WWOX: variants seen among roughly 807,000 people sequenced by gnomAD.
WWOX encodes the protein WW domain-containing oxidoreductase.
Under a neutral mutation model 46.2 loss-of-function variants are expected in WWOX, and 69 were observed. That is an observed-to-expected ratio of 1.49 (90% CI 1.23 to 1.82). The LOEUF (loss-of-function observed/expected upper bound fraction) is 1.82. Among genes scored for constraint, WWOX ranks in the 40% most tolerant of loss-of-function variants. The probability of loss-of-function intolerance (pLI) is 0.00; values close to 1 mark genes in which losing one functional copy is unlikely to be tolerated. For missense variants in WWOX, 919 were observed against 542.6 expected, an observed-to-expected ratio of 1.69 and a Z score of -6.89; for synonymous variants, 359 against 202.6, an observed-to-expected ratio of 1.77 and a Z score of -6.56.
intron 8 of WWOX, among the ~76,000 whole-genome samples, chr16:78,762,049 G>A (rs1049360430): frequency 6.6e-6 from 1 of 152,140 alleles, no homozygotes; most frequent in Non-Finnish European, 1.5e-5. Flanking sequence ...ACTCCTATTT[G>A]GTGTCAACTC....
chr16:78,975,162 T>A (rs181520891), intron 8 of WWOX, among the ~76,000 whole-genome samples: 3 of 152,204 alleles, frequency 2.0e-5, no homozygotes, highest in African/African-American at 7.2e-5. Context: ...AACATTGTTA[T>A]GTTTTACTTA....
intron 8 of WWOX, among the ~76,000 whole-genome samples, chr16:78,458,094 T>C (rs1421833122): frequency 6.6e-6 from 1 of 151,808 alleles, no homozygotes; most frequent in East Asian, 1.9e-4. Context: ...GTAAGTTGCC[T>C]GACTTCTCAT....
At chr16:78,155,771 A>G (rs995181867) in intron 4 of WWOX, among the ~76,000 whole-genome samples, 3 of 152,326 alleles carry the variant, frequency 2.0e-5, no homozygotes, top group Admixed American at 6.5e-5. Context: ...ACTGTGCAGA[A>G]TAGGCTTAGC....
chr16:79,044,058 C>T (rs1645108280), intron 8 of WWOX, among the ~76,000 whole-genome samples: 1 of 152,186 alleles, frequency 6.6e-6, no homozygotes, highest in African/African-American at 2.4e-5. Flanking sequence ...CCTGCCCAGA[C>T]CCGGTGGCCT....
At chr16:78,899,901 G>A (rs1355804196) in intron 8 of WWOX, among the ~76,000 whole-genome samples, 1 of 151,956 alleles carries the variant, frequency 6.6e-6, no homozygotes, top group Non-Finnish European at 1.5e-5. Context: ...GTTCCTCTCT[G>A]TCAGGACATA....
At chr16:78,776,249 C>G (rs997032697) in intron 8 of WWOX, among the ~76,000 whole-genome samples, 1 of 152,108 alleles carries the variant, frequency 6.6e-6, no homozygotes, top group Non-Finnish European at 1.5e-5. Flanking sequence ...AACAGCAGCA[C>G]AGGCTACATT....
chr16:78,387,791 C>T (rs1373949267), intron 6 of WWOX, among the ~76,000 whole-genome samples: 1 of 151,760 alleles, frequency 6.6e-6, no homozygotes, highest in African/African-American at 2.4e-5. Flanking sequence ...TATTTTTTTT[C>T]AGTGACTTGA....
At chr16:78,139,257 A>G (rs4888748) in intron 4 of WWOX, among the ~76,000 whole-genome samples, 83,523 of 152,058 alleles carry the variant, frequency 0.55, 22,988 homozygotes, top group African/African-American at 0.58. Flanking sequence ...CCAATGGACA[A>G]AATCTGCAAG....
rs558971575 is a variant in WWOX, at chr16:78,130,339, G to A, written c.409+15185G>A. Among the ~76,000 whole-genome samples the A allele has an allele frequency of 6.3e-3, 960 of 152,260 alleles. 17 individuals are homozygous for A. The highest frequency in any genetic ancestry group is 0.022 in the African/African-American group (929 of 41,536). ...CTAACTTTCCTTAAGCTATGTGAAT[G>A]TGAGAACACAGTGGGAAGGCAGCCA... is the stretch of plus-strand genomic sequence containing the variant. On this transcript the variant is annotated intron_variant, in intron 4 of 8. Transcript: ENST00000566780.
chr16:78,737,894 G>A (rs890787095), intron 8 of WWOX, among the ~76,000 whole-genome samples: 1 of 152,108 alleles, frequency 6.6e-6, no homozygotes, highest in African/African-American at 2.4e-5. Flanking sequence ...CAAAGGCCAT[G>A]AGTTCCCAGT....
intron 8 of WWOX, among the ~76,000 whole-genome samples, chr16:78,643,512 C>A (rs534506297): frequency 6.6e-6 from 1 of 152,220 alleles, no homozygotes; most frequent in East Asian, 1.9e-4. Context: ...CAGCTTTAAA[C>A]CTGTGACCTC....
intron 8 of WWOX, among the ~76,000 whole-genome samples, chr16:78,766,120 C>T (rs905726608): frequency 6.6e-6 from 1 of 152,166 alleles, no homozygotes. Context: ...TCACACATAC[C>T]GTCCCCTGAT....
chr16:78,656,706 A>G (rs1240704700), intron 8 of WWOX, among the ~76,000 whole-genome samples: 1 of 152,160 alleles, frequency 6.6e-6, no homozygotes, highest in African/African-American at 2.4e-5. Context: ...ACAAATCCCA[A>G]CCATATCGGC....
chr16:78,576,635 C>G (rs1410409576), intron 8 of WWOX, among the ~76,000 whole-genome samples: 1 of 152,124 alleles, frequency 6.6e-6, no homozygotes, highest in Admixed American at 6.6e-5. Context: ...AAGTTTGTGA[C>G]CAGCCTGGGC....
chr16:78,397,214 T>A (rs1054030919), intron 6 of WWOX, among the ~76,000 whole-genome samples: 2 of 152,130 alleles, frequency 1.3e-5, no homozygotes, highest in African/African-American at 4.8e-5. Flanking sequence ...GGGAAGCAGG[T>A]CAATAAGACA....
chr16:79,099,593 T>TGAGAGA (rs10598848), intron 8 of WWOX, among the ~76,000 whole-genome samples: 34 of 148,856 alleles, frequency 2.3e-4, no homozygotes, highest in South Asian at 6.4e-4. Flanking sequence ...TGTGTGTTTG[T>TGAGAGA]GAGAGAGAGA....
chr16:78,839,376 G>T (rs2052077397), intron 8 of WWOX, among the ~76,000 whole-genome samples: 1 of 151,970 alleles, frequency 6.6e-6, no homozygotes, highest in African/African-American at 2.4e-5. Context: ...TCCTCAGAGA[G>T]GTCCAAAGGC....
intron 8 of WWOX, among the ~76,000 whole-genome samples, chr16:78,973,603 A>T (rs550533458): frequency 6.6e-6 from 1 of 152,104 alleles, no homozygotes; most frequent in Non-Finnish European, 1.5e-5. Context: ...CAGTCTCTCA[A>T]ACTGTAGGAG....
chr16:78,826,829 G>A (rs1176181729), intron 8 of WWOX, among the ~76,000 whole-genome samples: 2 of 152,182 alleles, frequency 1.3e-5, no homozygotes, highest in South Asian at 2.1e-4. Flanking sequence ...CCTCTCACCA[G>A]CTGTGTGACA....
Sources: allele counts gnomAD v4.1 joint callset (sites outside exome capture counted in the v4.1 genomes callset), GRCh38; gene constraint gnomAD v4.1.1; transcripts MANE v1.5; gene names NCBI Gene and HGNC (gene_info 2026-07-23, HGNC 2026-07-21).